SEMA3D: variants seen among roughly 807,000 people sequenced by gnomAD.
SEMA3D encodes semaphorin 3D.
In SEMA3D, 84 loss-of-function variants were observed where a neutral mutation model predicts 100.1. That is an observed-to-expected ratio of 0.84 (90% confidence interval 0.70 to 1.01). The LOEUF (loss-of-function observed/expected upper bound fraction) is 1.01, where lower values mean the gene tolerates loss of function less well. SEMA3D is among the 50% of genes least tolerant of loss of function. SEMA3D has a pLI of 0.00. For missense variants in SEMA3D, 875 were observed against 934.1 expected, an observed-to-expected ratio of 0.94 and a Z score of 0.82; for synonymous variants, 312 against 320.7, an observed-to-expected ratio of 0.97 and a Z score of 0.29.
chr7:85,036,197 T>C (rs1790688082), intron 12 of SEMA3D, among the ~76,000 whole-genome samples: 2 of 152,076 alleles, frequency 1.3e-5, no homozygotes, highest in African/African-American at 2.4e-5. Flanking sequence ...TAAACTGTCA[T>C]AATAATATCA....
chr7:85,095,509 C>T (rs1487021213), intron 4 of SEMA3D, among the ~76,000 whole-genome samples: 1 of 152,060 alleles, frequency 6.6e-6, no homozygotes, highest in Non-Finnish European at 1.5e-5. Context: ...TTCAGCCCCT[C>T]AGAGTCCCAA....
chr7:85,036,956 T>C lies in SEMA3D; in HGVS notation c.1124A>G (p.His375Arg), dbSNP rs1223283060. ...CCAACGATGGTCTGCACTTTCCTTA[T>C]GAGCATATGGACCATTAAAAACTGC... ...IRAVFNGPYA[H>R]KESADHRWVQ... is the part of the protein sequence containing the mutation. The change falls in exon 12 of 19, where the codon CAT (histidine) becomes CGT (arginine). Residue 375 changes from histidine to arginine, a missense_variant. His to Arg is a conservative substitution (Grantham distance 29, BLOSUM62 0). Transcript: ENST00000284136. 1 of 1,613,500 alleles carries C rather than the reference T, an allele frequency of 6.2e-7. No homozygotes were observed. The highest frequency in any genetic ancestry group is 8.5e-7 in the Non-Finnish European group (1 of 1,179,582).
At chr7:85,017,404 C>T (rs1442867975) in intron 15 of SEMA3D, among the ~76,000 whole-genome samples, 1 of 151,692 alleles carries the variant, frequency 6.6e-6, no homozygotes, top group Non-Finnish European at 1.5e-5. Context: ...ATGTACCCTC[C>T]AAGCACCTTA....
At chr7:85,150,346 A>AATATATATATATATATATATATTAT (rs1790334910) in intron 2 of SEMA3D, among the ~76,000 whole-genome samples, 66 of 121,226 alleles carry the variant, frequency 5.4e-4, no homozygotes, top group African/African-American at 2.0e-3. Flanking sequence ...CTTTTCTAGA[A>AATATATATATATATATATATATTAT]ATATATATAT....
At chr7:85,194,455 A>C in the SEMA3D span, among the ~76,000 whole-genome samples, 2 of 151,924 alleles carry the variant, frequency 1.3e-5, no homozygotes, top group Admixed American at 1.3e-4. Flanking sequence ...TTTATTGATA[A>C]AATTTTATGT....
chr7:85,028,533 A>T, intron 12 of SEMA3D: 1 of 325,752 alleles, frequency 3.1e-6, no homozygotes, highest in Non-Finnish European at 5.8e-6. Context: ...GAGGACTTTC[A>T]CAACTGAAAT....
intron 1 of SEMA3D, among the ~76,000 whole-genome samples, chr7:85,177,141 T>C (rs1372142209): frequency 6.6e-6 from 1 of 152,172 alleles, no homozygotes; most frequent in Admixed American, 6.5e-5. Flanking sequence ...TGTCATTAAA[T>C]GATACATGAC....
At chr7:85,124,356 A>G (rs1789509541) in intron 2 of SEMA3D, among the ~76,000 whole-genome samples, 1 of 151,860 alleles carries the variant, frequency 6.6e-6, no homozygotes, top group African/African-American at 2.4e-5. Context: ...ATATGTTAAT[A>G]AAGATATATT....
chr7:85,213,485 C>T, the SEMA3D span, among the ~76,000 whole-genome samples: 7 of 151,794 alleles, frequency 4.6e-5, no homozygotes, highest in African/African-American at 9.7e-5. Flanking sequence ...TTAAGTAAGG[C>T]CTTTATTGTT....
chr7:85,014,522 A>C (rs1157125602), intron 16 of SEMA3D, among the ~76,000 whole-genome samples: 1 of 151,806 alleles, frequency 6.6e-6, no homozygotes, highest in African/African-American at 2.4e-5. Flanking sequence ...AAAGCAATGA[A>C]CTACAAACAG....
intron 8 of SEMA3D, among the ~76,000 whole-genome samples, chr7:85,057,228 G>A (rs923503264): frequency 7.9e-5 from 12 of 152,074 alleles, no homozygotes; most frequent in Admixed American, 2.6e-4. Flanking sequence ...TTGTTTAAGA[G>A]GTATTCGGCA....
chr7:85,066,587 T>C (rs1178570414), intron 7 of SEMA3D, among the ~76,000 whole-genome samples: 1 of 152,108 alleles, frequency 6.6e-6, no homozygotes, highest in Non-Finnish European at 1.5e-5. Flanking sequence ...AAACCTCTAC[T>C]ATTTCAAGAA....
chr7:85,206,956 T>G, the SEMA3D span, among the ~76,000 whole-genome samples: 1 of 152,124 alleles, frequency 6.6e-6, no homozygotes. Flanking sequence ...TCTGCTTTAA[T>G]TCCTCATTAA....
the SEMA3D span, among the ~76,000 whole-genome samples, chr7:85,200,921 A>G: frequency 6.6e-6 from 1 of 152,308 alleles, no homozygotes; most frequent in South Asian, 2.1e-4. Context: ...ATGAAAATGG[A>G]CTAATACACA....
the SEMA3D span, among the ~76,000 whole-genome samples, chr7:85,245,743 G>A: frequency 9.9e-5 from 15 of 151,976 alleles, no homozygotes; most frequent in African/African-American, 3.4e-4. Context: ...CAACAAAAAC[G>A]CTAGTTTAAA....
At chr7:85,160,682 C>T (rs1321069357) in intron 1 of SEMA3D, among the ~76,000 whole-genome samples, 1 of 151,888 alleles carries the variant, frequency 6.6e-6, no homozygotes, top group East Asian at 1.9e-4. Context: ...TTCTCATTAT[C>T]CAAAAGGTGC....
chr7:85,097,041 C>A (rs879754054), intron 4 of SEMA3D, among the ~76,000 whole-genome samples: 1 of 151,680 alleles, frequency 6.6e-6, no homozygotes, highest in Admixed American at 6.6e-5. Context: ...ATTATGTAAT[C>A]TTATCAGCCA....
chr7:85,148,962 CTT>C (rs553369462), intron 2 of SEMA3D, among the ~76,000 whole-genome samples: 54 of 151,776 alleles, frequency 3.6e-4, no homozygotes, highest in African/African-American at 1.2e-3. Flanking sequence ...ACTTTAGAAA[CTT>C]TTTAAAATAA....
In SEMA3D at chr7:85,147,076, CTTTTCT is replaced by C. The variant is rs368519662; in HGVS notation, c.-41+6526_-41+6531del. 7.5e-3 allele frequency among the ~76,000 whole-genome samples: 617 copies of C among 82,664 alleles called. 2 individuals are homozygous for C. Among genetic ancestry groups the C allele is most frequent in the Non-Finnish European group, 0.012 (471 of 38,612 alleles). 54.2% of individuals were successfully genotyped at this position (82,664 alleles called of 152,430 possible). A position where few individuals can be genotyped will look rare whatever the true frequency, so the allele number is the denominator to read the frequency against. On this transcript the variant is annotated intron_variant, in intron 2 of 18. Coordinates refer to ENST00000284136, the MANE Select transcript of SEMA3D (RefSeq NM_001384900.1). ...TGGAATTTTCTGTCCATCTTTCTTT[CTTTTCT>C]TTTTCTTTTCTTTTTTTTTTTTTTT...
Sources: allele counts gnomAD v4.1 joint callset (sites outside exome capture counted in the v4.1 genomes callset), GRCh38; gene constraint gnomAD v4.1.1; transcripts MANE v1.5; gene names NCBI Gene and HGNC (gene_info 2026-07-23, HGNC 2026-07-21).